TMEM255B: variants seen among roughly 807,000 people sequenced by gnomAD.
The protein encoded by TMEM255B is transmembrane protein 255B, also known as family with sequence similarity 70, member B.
In TMEM255B, 35 loss-of-function variants were observed where a neutral mutation model predicts 34.5. The ratio of observed to expected loss-of-function variants is 1.01; its 90% CI spans 0.77 to 1.34. The LOEUF (loss-of-function observed/expected upper bound fraction) is 1.34. Ranked by LOEUF, TMEM255B falls within the 40% of genes most tolerant of loss-of-function variation. TMEM255B has a pLI of 0.00. For missense variants in TMEM255B, 432 were observed against 433.2 expected (o/e 1.00, Z 0.02); for synonymous variants, 206 against 201.2 (o/e 1.02, Z -0.20).
In TMEM255B at chr13:113,814,099, G is replaced by A. The variant is rs2051377680; in HGVS notation, c.*2196G>A. On this transcript the variant is annotated 3_prime_UTR_variant, in exon 9 of 9. Coordinates refer to ENST00000375353, the MANE Select transcript of TMEM255B (RefSeq NM_182614.4). ...AGGGAAGGCTCTATGGGCGCCGATG[G>A]TGCCGTGGTCTTGTGTGGGCGGTTC... 1 of 152,232 alleles carries A rather than the reference G, an allele frequency of 6.6e-6. No individual in the cohort carries two copies. The highest frequency in any genetic ancestry group is 2.1e-4 in the South Asian group (1 of 4,834). The allele number at this position is 152,232 out of a possible 1,614,324, so 9.4% of individuals were successfully genotyped here.
At position 113,804,992 on chromosome 13, in the gene TMEM255B, C is replaced by T. The variant is rs9577888; in HGVS notation, c.777C>T (p.Pro259=). The change falls in exon 8 of 9, where the codon CCC becomes CCT. Residue 259 remains proline (P), a synonymous_variant. Transcript: ENST00000375353. ...AYAGFRLTPE[P]VPTCSSYPLP... ...CAGGCTTCCGCCTGACGCCCGAGCC[C>T]GTCCCGACCTGCTCGTCCTACCCTC... 110,683 of 1,606,002 alleles carry T rather than the reference C, an allele frequency of 0.069. 4,659 individuals are homozygous for T. The highest frequency in any genetic ancestry group is 0.17 in the Admixed American group (10,311 of 59,812).
intron 3 of TMEM255B, among the ~76,000 whole-genome samples, chr13:113,779,610 C>T (rs1218824828): frequency 3.9e-5 from 6 of 152,096 alleles, no homozygotes; most frequent in South Asian, 4.2e-4. Flanking sequence ...GGGTTTGTTC[C>T]TGGAAGCGCT....
chr13:113,771,618 G>A (rs2050479509), intron 3 of TMEM255B, among the ~76,000 whole-genome samples: 1 of 152,188 alleles, frequency 6.6e-6, no homozygotes, highest in Non-Finnish European at 1.5e-5. Flanking sequence ...GGCAGAGGTT[G>A]CGGTGAGCCG....
rs1397677782 is a variant in TMEM255B at position 113,814,489 on chromosome 13, C to T, written c.*2586C>T. The T allele has an allele frequency of 6.6e-6, 1 of 152,272 alleles. No homozygotes were observed. Among genetic ancestry groups the T allele is most frequent in the African/African-American group, 2.4e-5 (1 of 41,472 alleles). The allele number at this position is 152,272 out of a possible 1,614,324, so 9.4% of individuals were successfully genotyped here. A position where few individuals can be genotyped will look rare whatever the true frequency, so the allele number is the denominator to read the frequency against. ...GTTCTTGCCACAAAAATGTCCTTATCCTTTATCCCAGCCACAAAGAATGTG... is the reference window on the plus strand; with the variant it reads ...GTTCTTGCCACAAAAATGTCCTTATTCTTTATCCCAGCCACAAAGAATGTG... On this transcript the variant is annotated 3_prime_UTR_variant, in exon 9 of 9. Transcript: ENST00000375353.
In TMEM255B at chr13:113,769,115, C is replaced by A; in HGVS notation, c.207C>A (p.Phe69Leu). Residue 69 changes from phenylalanine (F) to leucine (L), a missense_variant, in exon 3 of 9, where the codon TTC becomes TTA. Transcript: ENST00000375353. The surrounding 1 kb of genome is among the most constrained non-coding windows in gnomAD (Gnocchi z 4.2). ...YPGIILGFGS[F>L]LGIIGINLVE... ...GGTTTTAGCTCGGCTTTGGATCTTT[C>A]TTAGGAATTATTGGCATCAACTTGG... 1 of 1,614,164 alleles carries A rather than the reference C, an allele frequency of 6.2e-7. No homozygotes were observed. Among genetic ancestry groups the A allele is most frequent in the Non-Finnish European group, 8.5e-7 (1 of 1,180,028 alleles).
chr13:113,766,272 C>G lies in TMEM255B; in HGVS notation c.189+15C>G. The G allele has an allele frequency of 1.2e-6, 2 of 1,613,438 alleles. No individual in the cohort carries two copies. Among genetic ancestry groups the G allele is most frequent in the Non-Finnish European group, 1.7e-6 (2 of 1,179,664 alleles). ...CAGGGATCATTGTGAGTGCGCCGGG[C>G]GGGCGGCCTGGGCCGGGGAGGGCAG... On this transcript the variant is annotated intron_variant, in intron 2 of 8. Transcript: ENST00000375353.
At chr13:113,790,517 G>C (rs9635149) in intron 3 of TMEM255B, among the ~76,000 whole-genome samples, 10 of 39,616 alleles carry the variant, frequency 2.5e-4, no homozygotes, top group Admixed American at 8.5e-4. Flanking sequence ...CATCCTAGCT[G>C]TGGACTGACC....
chr13:113,775,890 T>C (rs2050569003), intron 3 of TMEM255B, among the ~76,000 whole-genome samples: 1 of 152,178 alleles, frequency 6.6e-6, no homozygotes, highest in Non-Finnish European at 1.5e-5. Flanking sequence ...CCAGGGACCA[T>C]GGGACCCCTG....
At chr13:113,793,628 C>T (rs892296230) in intron 3 of TMEM255B, among the ~76,000 whole-genome samples, 3 of 152,252 alleles carry the variant, frequency 2.0e-5, no homozygotes, top group African/African-American at 7.2e-5. Context: ...ACATTTAATG[C>T]AAGGTGGCAT....
chr13:113,773,347 A>C (rs1003135033), intron 3 of TMEM255B, among the ~76,000 whole-genome samples: 1 of 152,256 alleles, frequency 6.6e-6, no homozygotes, highest in Admixed American at 6.5e-5. Flanking sequence ...TGGATTCCTC[A>C]GGATTTTTTA....
At chr13:113,811,247 T>G (rs1297938464) in intron 8 of TMEM255B, among the ~76,000 whole-genome samples, 9 of 35,824 alleles carry the variant, frequency 2.5e-4, no homozygotes, top group Admixed American at 1.2e-3. Context: ...CCTGGGTCTG[T>G]GGGGTGGGGG....
chr13:113,800,347 G>A (rs2051029375), intron 5 of TMEM255B, among the ~76,000 whole-genome samples: 1 of 150,500 alleles, frequency 6.6e-6, no homozygotes, highest in Non-Finnish European at 1.5e-5. Flanking sequence ...GTGTGTTGGG[G>A]GGTGTCCCCT....
At position 113,761,517 on chromosome 13, in the gene TMEM255B, A is replaced by G. The variant is rs149857283; in HGVS notation, c.46+2202A>G. ...TGGGCTGCACCTGGGGAAGACTAGA[A>G]TTAGAAAAATCAGCGCACTTGATAG... On this transcript the variant is annotated intron_variant, in intron 1 of 8. Transcript: ENST00000375353. Among the ~76,000 whole-genome samples, 76 of 152,288 alleles carry G rather than the reference A, an allele frequency of 5.0e-4. No individual in the cohort carries two copies. In the East Asian group the frequency reaches 0.011, roughly 23 times the overall value.
chr13:113,797,143 G>A (rs945538088), intron 4 of TMEM255B, among the ~76,000 whole-genome samples: 5 of 151,932 alleles, frequency 3.3e-5, no homozygotes, highest in African/African-American at 1.2e-4. Context: ...TCCGGACCTC[G>A]GGCGCCTGTC....
intron 3 of TMEM255B, among the ~76,000 whole-genome samples, chr13:113,790,015 T>C (rs61966727): frequency 0.57 from 80,781 of 140,852 alleles, 23,266 homozygotes; most frequent in East Asian, 0.74. Flanking sequence ...CTGGACTGAC[T>C]GGGCACCTGA....
chr13:113,804,644 C>T (rs898866258), intron 7 of TMEM255B, among the ~76,000 whole-genome samples: 17 of 141,566 alleles, frequency 1.2e-4, no homozygotes, highest in Admixed American at 3.6e-4. Context: ...AAACGCACGC[C>T]GGGCCGGGGT....
chr13:113,769,278 C>T lies in TMEM255B; in HGVS notation c.252+118C>T. The stretch of plus-strand genomic sequence containing the variant: ...CCCCAGCACACTGGTGTCTACAGGA[C>T]CAGCTCTGAGGTTCCCGGGCTGTGG... On this transcript the variant is annotated intron_variant, in intron 3 of 8. Transcript: ENST00000375353. The surrounding 1 kb of genome is among the most constrained non-coding windows in gnomAD (Gnocchi z 4.2). 4.3e-6 allele frequency: 5 copies of T among 1,164,918 alleles called. 1 individual carries two copies. The South Asian group carries it at 6.4e-5, about 15-fold the overall frequency. 72.2% of individuals were successfully genotyped at this position (1,164,918 alleles called of 1,614,324 possible).
In TMEM255B at chr13:113,812,263, T is replaced by G; in HGVS notation, c.*360T>G. The G allele has an allele frequency of 3.6e-6, 1 of 281,068 alleles. No individual in the cohort carries two copies. The highest frequency in any genetic ancestry group is 5.0e-5 in the South Asian group (1 of 19,928). 17.4% of individuals were successfully genotyped at this position (281,068 alleles called of 1,614,324 possible). On this transcript the variant is annotated 3_prime_UTR_variant, in exon 9 of 9. Coordinates refer to ENST00000375353, the MANE Select transcript of TMEM255B (RefSeq NM_182614.4). ...AGTGCAGCCCCGGCCTCCCTGCCTG[T>G]GTGTTCTTGTTTGTGGACATGTGTT... is the stretch of plus-strand genomic sequence containing the variant.
intron 3 of TMEM255B, among the ~76,000 whole-genome samples, chr13:113,791,477 C>A (rs9550237): frequency 6.6e-6 from 1 of 152,014 alleles, no homozygotes; most frequent in African/African-American, 2.4e-5. Context: ...ACTGGTCACA[C>A]ACCCCTCAGG....
Sources: gnomAD v4.1 joint callset for allele counts (sites outside exome capture counted in the v4.1 genomes callset) on GRCh38, gnomAD v4.1.1 for gene constraint, Gnocchi (gnomAD v3.1) non-coding constraint, MANE v1.5 for transcripts, NCBI Gene and HGNC (gene_info 2026-07-23, HGNC 2026-07-21) for gene names.